The following CADPS variants were observed in gnomAD, a reference collection of about 807,000 sequenced individuals.
CADPS encodes calcium dependent secretion activator, also known as calcium-dependent secretion activator 1.
CADPS carries 57 observed loss-of-function variants against 167.3 expected under a neutral mutation model. That is an observed-to-expected ratio of 0.34 (90% CI 0.28 to 0.42). The LOEUF (loss-of-function observed/expected upper bound fraction) is 0.42, where lower values mean the gene tolerates loss of function less well. CADPS is among the 20% of genes least tolerant of loss of function. CADPS has a pLI of 1.00. For missense variants in CADPS, 1,414 were observed against 1,738.1 expected (o/e 0.81, Z 3.32); for synonymous variants, 676 against 635.3 (o/e 1.06, Z -0.96).
At chr3:62,846,255 G>C (rs2077415789) in intron 1 of CADPS, among the ~76,000 whole-genome samples, 1 of 152,190 alleles carries the variant, frequency 6.6e-6, no homozygotes, top group South Asian at 2.1e-4. Flanking sequence ...AGCAGTGTGA[G>C]AACGGACTAA....
Position 62,602,225 on chromosome 3 carries a change from G to C in CADPS, c.1326-9477C>G, listed in dbSNP as rs1412948063. Among the ~76,000 whole-genome samples, 1 of 146,012 alleles carries C rather than the reference G, an allele frequency of 6.8e-6. No individual in the cohort carries two copies. Among genetic ancestry groups the C allele is most frequent in the South Asian group, 2.3e-4 (1 of 4,418 alleles). On this transcript the variant is annotated intron_variant, in intron 6 of 29. Transcript: ENST00000383710. This position sits in a 1 kb window ranked among gnomAD's most constrained non-coding sequence, Gnocchi z 4.4. ...GAACACATCTACGTTAGGCAAATAA[G>C]GACCCTTGGAGAATTGGATTTTGTG...
intron 3 of CADPS, among the ~76,000 whole-genome samples, chr3:62,672,390 C>T (rs1195976317): frequency 6.6e-6 from 1 of 152,160 alleles, no homozygotes; most frequent in Non-Finnish European, 1.5e-5. Flanking sequence ...GCTCATGTTA[C>T]TCTCCTGCTT....
intron 1 of CADPS, among the ~76,000 whole-genome samples, chr3:62,777,257 C>A (rs73106339): frequency 0.12 from 18,117 of 152,114 alleles, 1,160 homozygotes; most frequent in South Asian, 0.16. Context: ...TTATATGTGA[C>A]GCTAATGTAA....
intron 18 of CADPS, among the ~76,000 whole-genome samples, chr3:62,494,979 G>A (rs556934951): frequency 1.3e-5 from 2 of 152,170 alleles, no homozygotes; most frequent in East Asian, 3.9e-4. Flanking sequence ...CAGCTTTTTA[G>A]CTTAAAAGTT....
chr3:62,701,606 T>TAA (rs5849494), intron 3 of CADPS, among the ~76,000 whole-genome samples: 61,675 of 129,680 alleles, frequency 0.48, 15,275 homozygotes, highest in East Asian at 0.85. Flanking sequence ...AGACTCAGTC[T>TAA]AAAAAAAAAA....
intron 6 of CADPS, among the ~76,000 whole-genome samples, chr3:62,623,509 T>C (rs1257692574): frequency 6.6e-6 from 1 of 152,194 alleles, no homozygotes; most frequent in Non-Finnish European, 1.5e-5. Flanking sequence ...GGAAATATAC[T>C]ACACCGGAAT....
At chr3:62,864,724 T>G (rs1362948070) in intron 1 of CADPS, among the ~76,000 whole-genome samples, 1 of 152,162 alleles carries the variant, frequency 6.6e-6, no homozygotes, top group Non-Finnish European at 1.5e-5. Flanking sequence ...AGTCATATTC[T>G]GAGGCAGTGG....
At chr3:62,416,357 C>G (rs2050062501) in intron 28 of CADPS, among the ~76,000 whole-genome samples, 1 of 152,214 alleles carries the variant, frequency 6.6e-6, no homozygotes, top group Non-Finnish European at 1.5e-5. Flanking sequence ...CATAGTAACT[C>G]ACACCAGTGA....
At chr3:62,629,972 C>A (rs1023819472) in intron 6 of CADPS, among the ~76,000 whole-genome samples, 1 of 152,128 alleles carries the variant, frequency 6.6e-6, no homozygotes, top group Non-Finnish European at 1.5e-5. Context: ...TTTCCCATCA[C>A]ACCAGTGATT....
At chr3:62,466,996 C>A (rs80143432) in intron 24 of CADPS, among the ~76,000 whole-genome samples, 3,145 of 152,270 alleles carry the variant, frequency 0.021, 119 homozygotes, top group African/African-American at 0.071. Flanking sequence ...CTCATTTCCT[C>A]CATACATGGA....
rs2083442645 is a variant in CADPS, at chr3:62,875,192, T to C, written c.-163A>G. The C allele has an allele frequency of 1.0e-6, 1 of 962,216 alleles. No homozygotes were observed. Among genetic ancestry groups the C allele is most frequent in the African/African-American group, 1.7e-5 (1 of 57,826 alleles). The allele number at this position is 962,216 out of a possible 1,614,324, so 59.6% of individuals were successfully genotyped here. On this transcript the variant is annotated 5_prime_UTR_variant, in exon 1 of 30. Transcript: ENST00000383710. Reference sequence around the variant, plus strand: ...GCCTCGGCCGCCGCGACTGATCCTCTGCCCGGCGGTCGCGAGCTGGGCTCA... The same window carrying C: ...GCCTCGGCCGCCGCGACTGATCCTCCGCCCGGCGGTCGCGAGCTGGGCTCA...
chr3:62,579,074 T>G (rs2082880719), intron 8 of CADPS, among the ~76,000 whole-genome samples: 1 of 152,210 alleles, frequency 6.6e-6, no homozygotes, highest in Non-Finnish European at 1.5e-5. Context: ...CTTTTGAAGT[T>G]TGTTAAATAT....
At chr3:62,580,870 A>C (rs1182676215) in intron 8 of CADPS, among the ~76,000 whole-genome samples, 1 of 152,226 alleles carries the variant, frequency 6.6e-6, no homozygotes, top group African/African-American at 2.4e-5. Context: ...AATAGACATA[A>C]AATTTCCCTG....
chr3:62,447,279 C>T (rs2057364580), intron 26 of CADPS, among the ~76,000 whole-genome samples: 1 of 152,142 alleles, frequency 6.6e-6, no homozygotes, highest in African/African-American at 2.4e-5. Flanking sequence ...GCTTTGTAAA[C>T]TTTAAAGCAA....
chr3:62,819,312 T>C (rs368958212), intron 1 of CADPS, among the ~76,000 whole-genome samples: 5 of 152,116 alleles, frequency 3.3e-5, no homozygotes, highest in African/African-American at 1.2e-4. Context: ...TGATTTTTAT[T>C]TTTTGCTACA....
Position 62,801,855 on chromosome 3 carries a change from A to G in CADPS, c.442-35871T>C, listed in dbSNP as rs548324151. Among the ~76,000 whole-genome samples, 9 of 152,224 alleles carry G rather than the reference A, an allele frequency of 5.9e-5. No individual in the cohort carries two copies. In the East Asian group the frequency reaches 1.7e-3, roughly 29 times the overall value. On this transcript the variant is annotated intron_variant, in intron 1 of 29. Transcript: ENST00000383710. ...CCAGGTGGTTCTGACCTCAAAATGT[A>G]TGTTCTTTCTACTGTTGTAATCATT...
rs1445424193 is a variant in CADPS, at chr3:62,399,923, T to C, written c.3883-338A>G. On this transcript the variant is annotated intron_variant, in intron 29 of 29. Transcript: ENST00000383710. The surrounding 1 kb of genome is among the most constrained non-coding windows in gnomAD (Gnocchi z 5.6). ...GGTTCTTTCTCTTAGGTTAGTGTAA[T>C]GTAATATGATAGACACAGGAAGGGG... Among the ~76,000 whole-genome samples, 2 of 152,380 alleles carry C rather than the reference T, an allele frequency of 1.3e-5. No homozygotes were observed. Among genetic ancestry groups the C allele is most frequent in the East Asian group, 1.9e-4 (1 of 5,194 alleles).
chr3:62,667,961 A>G (rs1449360218), intron 3 of CADPS, among the ~76,000 whole-genome samples: 7 of 152,162 alleles, frequency 4.6e-5, no homozygotes, highest in Non-Finnish European at 8.8e-5. Flanking sequence ...GCCTTGGAGA[A>G]TTGGCCTTGA....
At chr3:62,607,010 G>A (rs1463266360) in intron 6 of CADPS, among the ~76,000 whole-genome samples, 2 of 152,226 alleles carry the variant, frequency 1.3e-5, no homozygotes, top group African/African-American at 4.8e-5. Flanking sequence ...AAGCCACTGA[G>A]TTTCGGGGTG....
Sources: gnomAD v4.1 joint callset for allele counts (sites outside exome capture counted in the v4.1 genomes callset) on GRCh38, gnomAD v4.1.1 for gene constraint, Gnocchi (gnomAD v3.1) non-coding constraint, MANE v1.5 for transcripts, NCBI Gene and HGNC (gene_info 2026-07-23, HGNC 2026-07-21) for gene names.